Variants in TFEC observed in about 807,000 individuals in gnomAD.
TFEC encodes the protein transcription factor EC.
In TFEC, 31 loss-of-function variants were observed where a neutral mutation model predicts 41.6. The observed-to-expected ratio is 0.74, with a 90% CI of 0.56 to 1.01. The LOEUF (loss-of-function observed/expected upper bound fraction) is 1.01. TFEC is among the 50% of genes least tolerant of loss of function. The pLI is 0.00. For missense variants in TFEC, 402 were observed against 404.1 expected (o/e 0.99, Z 0.04); for synonymous variants, 143 against 140.6 (o/e 1.02, Z -0.12).
At chr7:115,948,229 C>G (rs1458663066) in intron 6 of TFEC, among the ~76,000 whole-genome samples, 3 of 151,526 alleles carry the variant, frequency 2.0e-5, no homozygotes, top group Middle Eastern at 3.2e-3. Flanking sequence ...CAAAAAGAGT[C>G]CAGGACCAGA....
intron 1 of TFEC, among the ~76,000 whole-genome samples, chr7:116,029,226 T>A (rs538673887): frequency 1.3e-5 from 2 of 152,182 alleles, no homozygotes; most frequent in South Asian, 2.1e-4. Context: ...GAAAATTATA[T>A]GTATTCCATT....
At chr7:116,041,894 G>T (rs895831387) in intron 3 of TFEC, among the ~76,000 whole-genome samples, 1 of 152,132 alleles carries the variant, frequency 6.6e-6, no homozygotes, top group Non-Finnish European at 1.5e-5. Flanking sequence ...TGATCAGCCA[G>T]TTCCCAAAAC....
intron 1 of TFEC, among the ~76,000 whole-genome samples, chr7:116,115,733 T>C (rs1169955286): frequency 6.6e-6 from 1 of 152,018 alleles, no homozygotes; most frequent in Non-Finnish European, 1.5e-5. Context: ...GGGTTCATTA[T>C]TCAGCATACC....
At chr7:115,957,531 A>G (rs1040864856) in intron 3 of TFEC, among the ~76,000 whole-genome samples, 16 of 151,916 alleles carry the variant, frequency 1.1e-4, no homozygotes, top group African/African-American at 3.4e-4. Context: ...TTCATTATTC[A>G]AAGTGTGCTT....
intron 1 of TFEC, among the ~76,000 whole-genome samples, chr7:116,000,157 C>A (rs1274190998): frequency 6.6e-6 from 1 of 151,966 alleles, no homozygotes; most frequent in Non-Finnish European, 1.5e-5. Flanking sequence ...AAAAGATGGT[C>A]AGACATATGC....
At chr7:115,977,726 T>A (rs745939210) in intron 2 of TFEC, among the ~76,000 whole-genome samples, 1 of 152,024 alleles carries the variant, frequency 6.6e-6, no homozygotes, top group Non-Finnish European at 1.5e-5. Context: ...ACATGCATAA[T>A]AATTACATAT....
intron 4 of TFEC, among the ~76,000 whole-genome samples, chr7:115,955,393 A>G (rs966028324): frequency 1.3e-5 from 2 of 152,186 alleles, no homozygotes; most frequent in Non-Finnish European, 2.9e-5. Context: ...TTTGATCTCT[A>G]GTTGTCATGT....
upstream of TFEC, among the ~76,000 whole-genome samples, chr7:116,035,398 C>T (rs895644069): frequency 2.0e-5 from 3 of 152,002 alleles, no homozygotes; most frequent in Non-Finnish European, 4.4e-5. Context: ...ATTAAGGGCT[C>T]TTGTGTGTAT....
intron 1 of TFEC, among the ~76,000 whole-genome samples, chr7:115,989,491 C>T (rs1253166341): frequency 1.3e-5 from 2 of 152,292 alleles, no homozygotes; most frequent in Admixed American, 6.5e-5. Flanking sequence ...ATTCTCTTTC[C>T]TAGCCAAGGG....
At chr7:115,952,965 C>T (rs907705557) in intron 5 of TFEC, among the ~76,000 whole-genome samples, 1 of 152,070 alleles carries the variant, frequency 6.6e-6, no homozygotes, top group Admixed American at 6.6e-5. Context: ...TCCCTGAGTT[C>T]ACTTCCAGAG....
intron 2 of TFEC, among the ~76,000 whole-genome samples, chr7:115,977,101 C>G (rs1584624643): frequency 6.6e-6 from 1 of 152,070 alleles, no homozygotes; most frequent in East Asian, 1.9e-4. Flanking sequence ...CAGCCTAAAA[C>G]CTTCACAACT....
rs1798480658 is a variant in TFEC at position 116,138,603 on chromosome 7, A to G, written c.-69+21187T>C. Among the ~76,000 whole-genome samples the G allele has an allele frequency of 3.9e-5, 6 of 152,352 alleles. No individual in the cohort carries two copies. In the South Asian group the frequency reaches 1.2e-3, roughly 32 times the overall value. On this transcript the variant is annotated intron_variant, in intron 1 of 8. Transcript: ENST00000484212. ...AGACAGAATATAACTTTGCCAATTT[A>G]AGAAGCAATTAAAGAACATGTATAT...
At chr7:116,023,619 T>C (rs1795480945) in intron 1 of TFEC, among the ~76,000 whole-genome samples, 1 of 152,106 alleles carries the variant, frequency 6.6e-6, no homozygotes, top group Admixed American at 6.6e-5. Flanking sequence ...ACATACAGCA[T>C]GAACATCTCA....
At chr7:116,099,982 G>A (rs1185339355) in intron 3 of TFEC, among the ~76,000 whole-genome samples, 2 of 152,074 alleles carry the variant, frequency 1.3e-5, no homozygotes, top group African/African-American at 4.8e-5. Context: ...TGAGTGTTTT[G>A]GAAGAGATTA....
upstream of TFEC, among the ~76,000 whole-genome samples, chr7:116,031,977 T>A (rs1168749596): frequency 6.6e-6 from 1 of 152,162 alleles, no homozygotes; most frequent in Non-Finnish European, 1.5e-5. Context: ...TATTTGGGAT[T>A]TTAACTCATT....
chr7:116,146,122 C>T (rs1798636148), intron 1 of TFEC, among the ~76,000 whole-genome samples: 1 of 152,142 alleles, frequency 6.6e-6, no homozygotes, highest in South Asian at 2.1e-4. Context: ...ATTTTGACAC[C>T]TGTCTTGGCA....
At chr7:116,101,598 T>C (rs1462130828) in intron 3 of TFEC, among the ~76,000 whole-genome samples, 2 of 151,884 alleles carry the variant, frequency 1.3e-5, no homozygotes, top group Non-Finnish European at 2.9e-5. Context: ...AAATAATTAG[T>C]TGGAGAAAGA....
intron 1 of TFEC, among the ~76,000 whole-genome samples, chr7:116,016,066 T>C (rs1044236774): frequency 2.0e-5 from 3 of 151,890 alleles, no homozygotes; most frequent in Non-Finnish European, 2.9e-5. Context: ...TAAAAGAATC[T>C]CAAAAAAGTA....
chr7:115,942,171 T>C, intron 6 of TFEC, 131 bp from the exon 7 acceptor site: 2 of 916,908 alleles, frequency 2.2e-6, no homozygotes, highest in Non-Finnish European at 3.0e-6. Flanking sequence ...TATTATTGCT[T>C]CTGAATAGAA....
Sources: allele counts gnomAD v4.1 joint callset (sites outside exome capture counted in the v4.1 genomes callset), GRCh38; gene constraint gnomAD v4.1.1; transcripts MANE v1.5; gene names NCBI Gene and HGNC (gene_info 2026-07-23, HGNC 2026-07-21).